CD22: variants seen among roughly 807,000 people sequenced by gnomAD.
CD22 encodes the protein B-cell receptor CD22.
In CD22, 51 loss-of-function variants were observed where a neutral mutation model predicts 94.7. The observed-to-expected ratio is 0.54, with a 90% CI of 0.43 to 0.68. CD22 has a LOEUF of 0.68. CD22 is among the 30% of genes least tolerant of loss of function. The probability of loss-of-function intolerance (pLI) is 0.00; values close to 1 mark genes in which losing one functional copy is unlikely to be tolerated. For synonymous variants in CD22, 424 were observed against 422.5 expected (o/e 1.00, Z -0.04); for missense variants, 931 against 1,060.4 (o/e 0.88, Z 1.69).
chr19:35,345,847 C>T lies in CD22; in HGVS notation c.2327+127C>T, dbSNP rs568999000. 15 of 735,526 alleles carry T rather than the reference C, an allele frequency of 2.0e-5. No homozygotes were observed. The East Asian group carries it at 2.5e-4, about 12-fold the overall frequency. 45.6% of individuals were successfully genotyped at this position (735,526 alleles called of 1,614,324 possible). A position where few individuals can be genotyped will look rare whatever the true frequency, so the allele number is the denominator to read the frequency against. Reference sequence around the variant, plus strand: ...CCTGATACATGCTCTGCCTCATTCCCACTCGGCAACAAGCCTCTGGGTAAG... The same window carrying T: ...CCTGATACATGCTCTGCCTCATTCCTACTCGGCAACAAGCCTCTGGGTAAG... On this transcript the variant is annotated intron_variant, in intron 12 of 13. Coordinates refer to ENST00000085219, the MANE Select transcript of CD22 (RefSeq NM_001771.4).
At position 35,341,047 on chromosome 19, in the gene CD22, C is replaced by G; in HGVS notation, c.1416C>G (p.Ile472Met). The G allele has an allele frequency of 6.2e-7, 1 of 1,614,186 alleles. No individual in the cohort carries two copies. Among genetic ancestry groups the G allele is most frequent in the South Asian group, 1.1e-5 (1 of 91,084 alleles). Residue 472 changes from isoleucine (I) to methionine (M), a missense_variant, in exon 7 of 14, where the codon ATC becomes ATG. Transcript: ENST00000085219. This position sits in a 1 kb window ranked among gnomAD's most constrained non-coding sequence, Gnocchi z 4.0. Reference protein sequence around the residue: ...WEEPSLGVLKIQNVGWDNTTI... With the variant: ...WEEPSLGVLKMQNVGWDNTTI... ...AGCCATCGCTTGGGGTGCTGAAGATCCAAAACGTTGGCTGGGACAACACAA... is the reference window on the plus strand; with the variant it reads ...AGCCATCGCTTGGGGTGCTGAAGATGCAAAACGTTGGCTGGGACAACACAA...
chr19:35,337,672 T>G lies in CD22; in HGVS notation c.719-83T>G. On this transcript the variant is annotated intron_variant, in intron 4 of 13. Transcript: ENST00000085219. The surrounding 1 kb of genome is among the most constrained non-coding windows in gnomAD (Gnocchi z 4.4). ...GTGAAGGGACTGGCAGGCCATGGCT[T>G]TGTCAGAATAAAAGCACTTTCCACA... is the stretch of plus-strand genomic sequence containing the variant. 8.0e-7 allele frequency: 1 copy of G among 1,252,122 alleles called. No individual in the cohort carries two copies. The highest frequency in any genetic ancestry group is 1.1e-6 in the Non-Finnish European group (1 of 903,016). The allele number at this position is 1,252,122 out of a possible 1,614,324, so 77.6% of individuals were successfully genotyped here. A position where few individuals can be genotyped will look rare whatever the true frequency, so the allele number is the denominator to read the frequency against.
intron 9 of CD22, among the ~76,000 whole-genome samples, chr19:35,344,235 C>T (rs552327760): frequency 3.2e-4 from 49 of 152,344 alleles, no homozygotes; most frequent in African/African-American, 2.6e-4. Context: ...ATCACCAGCA[C>T]GGCCGAAGGC....
intron 9 of CD22, among the ~76,000 whole-genome samples, chr19:35,342,812 G>A (rs867578940): frequency 1.3e-5 from 2 of 151,608 alleles, no homozygotes; most frequent in Non-Finnish European, 2.9e-5. Context: ...CTTTTAAAAC[G>A]TAAATGATTT....
rs374483999 is a variant in CD22 at position 35,343,754 on chromosome 19, T to TA, written c.2036-1070dup. ...CTACAAAAAATACCAAAAAAAATTT[T>TA]AAAAACGAACAAACAAAACAATAAC... On this transcript the variant is annotated intron_variant, in intron 9 of 13. Coordinates refer to ENST00000085219, the MANE Select transcript of CD22 (RefSeq NM_001771.4). 1.7e-4 allele frequency among the ~76,000 whole-genome samples: 26 copies of TA among 152,188 alleles called. 1 individual carries two copies. Among genetic ancestry groups the TA allele is most frequent in the African/African-American group, 6.3e-4 (26 of 41,534 alleles).
chr19:35,334,070 A>G (rs147966640), intron 3 of CD22, among the ~76,000 whole-genome samples: 28 of 152,328 alleles, frequency 1.8e-4, no homozygotes, highest in African/African-American at 4.8e-4. Context: ...AGCCAAAGCA[A>G]GGGGACAGAA....
At chr19:35,339,794 T>C (rs994984276) in intron 6 of CD22, among the ~76,000 whole-genome samples, 13 of 151,934 alleles carry the variant, frequency 8.6e-5, no homozygotes, top group African/African-American at 3.1e-4. Flanking sequence ...AGGCAGAGGT[T>C]GCAATGAGCT....
At position 35,332,635 on chromosome 19, in the gene CD22, G is replaced by T; in HGVS notation, c.123G>T (p.Trp41Cys). 1 of 1,614,056 alleles carries T rather than the reference G, an allele frequency of 6.2e-7. No individual in the cohort carries two copies. The part of the protein sequence containing the change: ...TLYAWEGACV[W>C]IPCTYRALDG... ...ACGCCTGGGAGGGGGCCTGCGTCTG[G>T]ATCCCCTGCACCTACAGAGCCCTAG... Residue 41 changes from tryptophan (W) to cysteine (C), a missense_variant, in exon 3 of 14, where the codon TGG (tryptophan) becomes TGT (cysteine). Physicochemically the swap from Trp to Cys is radical, Grantham distance 215 (BLOSUM62 -2). Transcript: ENST00000085219.
chr19:35,346,608 G>A lies in CD22; in HGVS notation c.2455G>A (p.Gly819Arg), dbSNP rs760249582. Reference sequence around the variant, plus strand: ...CATTCCAGATTTTCCAGAAGATGAGGGGATTCATTACTCAGAGCTGATCCA... The same window carrying A: ...CATTCCAGATTTTCCAGAAGATGAGAGGATTCATTACTCAGAGCTGATCCA... Reference protein sequence around the residue: ...NVIPDFPEDEGIHYSELIQFG... With the variant: ...NVIPDFPEDERIHYSELIQFG... The change falls in exon 14 of 14, where the codon GGG becomes AGG. Residue 819 changes from glycine (G) to arginine (R), a missense_variant. Coordinates refer to ENST00000085219, the MANE Select transcript of CD22 (RefSeq NM_001771.4). 25 of 1,606,070 alleles carry A rather than the reference G, an allele frequency of 1.6e-5. No individual in the cohort carries two copies. In the African/African-American group the frequency reaches 2.9e-4, roughly 19 times the overall value.
At chr19:35,329,266 AG>A (rs2066613924) in intron 1 of CD22, 36 bp downstream of exon 1, 2 of 1,271,800 alleles carry the variant, frequency 1.6e-6, no homozygotes, top group Admixed American at 4.6e-5. Context: ...GCATTCAACA[AG>A]CAAGTTATTA....
chr19:35,337,693 C>A lies in CD22; in HGVS notation c.719-62C>A. 6.9e-7 allele frequency: 1 copy of A among 1,452,488 alleles called. No homozygotes were observed. Among genetic ancestry groups the A allele is most frequent in the Non-Finnish European group, 9.4e-7 (1 of 1,065,034 alleles). 90.0% of individuals were successfully genotyped at this position (1,452,488 alleles called of 1,614,324 possible). On this transcript the variant is annotated intron_variant, in intron 4 of 13. Transcript: ENST00000085219. This position sits in a 1 kb window ranked among gnomAD's most constrained non-coding sequence, Gnocchi z 4.4. The stretch of plus-strand genomic sequence containing the variant: ...GGCTTTGTCAGAATAAAAGCACTTT[C>A]CACACCCTCCACCCTCTGAGGATTC...
In CD22 at chr19:35,338,155, C is replaced by T. The variant is rs371310473; in HGVS notation, c.986-13C>T. 6.1e-5 allele frequency: 98 copies of T among 1,602,086 alleles called. No homozygotes were observed. In the African/African-American group the frequency reaches 7.3e-4, roughly 12 times the overall value. Reference sequence around the variant, plus strand: ...CTCCTCACCCCTCCACTCGCCTCTGCCCCCTCTTCCAGATGCCCCGGAACC... The same window carrying T: ...CTCCTCACCCCTCCACTCGCCTCTGTCCCCTCTTCCAGATGCCCCGGAACC... On this transcript the variant is annotated splice_polypyrimidine_tract_variant and intron_variant, in intron 5 of 13. Transcript: ENST00000085219.
intron 2 of CD22, 103 bp downstream of exon 2, chr19:35,332,177 G>C (rs1246886124): frequency 1.5e-6 from 2 of 1,303,540 alleles, no homozygotes; most frequent in East Asian, 4.6e-5. Flanking sequence ...AGGGTAGGGT[G>C]GGGGCAGCGG....
rs77336722 is a variant in CD22 at position 35,340,055 on chromosome 19, C to T, written c.1250-826C>T. Among the ~76,000 whole-genome samples the T allele has an allele frequency of 9.9e-3, 1,512 of 152,208 alleles. 27 individuals are homozygous for T. Among genetic ancestry groups the T allele is most frequent in the African/African-American group, 0.034 (1,421 of 41,528 alleles). ...CATGTAGAGCACAGGACAAAAAGAA[C>T]ACATAAGCTCGATCCTTGGACCCTG... On this transcript the variant is annotated intron_variant, in intron 6 of 13. Transcript: ENST00000085219.
At chr19:35,336,885 G>A (rs2066732744) in intron 4 of CD22, among the ~76,000 whole-genome samples, 1 of 152,226 alleles carries the variant, frequency 6.6e-6, no homozygotes, top group Admixed American at 6.5e-5. Context: ...GTAGTGATAT[G>A]TGTGTTAGGA....
chr19:35,340,818 A>G, intron 6 of CD22, 63 bp from the exon 7 acceptor site: 2 of 1,589,614 alleles, frequency 1.3e-6, no homozygotes, highest in Non-Finnish European at 1.7e-6. Context: ...AAGAGGAAGC[A>G]GGAGGGAAGG....
At chr19:35,345,224 C>A in intron 11 of CD22, 98 bp downstream of exon 11, 3 of 1,001,876 alleles carry the variant, frequency 3.0e-6, no homozygotes, top group South Asian at 1.3e-5. Flanking sequence ...TCGAGACCAG[C>A]GTAGCCAACA....
chr19:35,337,698 C>T lies in CD22; in HGVS notation c.719-57C>T. The T allele has an allele frequency of 6.7e-7, 1 of 1,487,480 alleles. No homozygotes were observed. The highest frequency in any genetic ancestry group is 1.4e-5 in the African/African-American group (1 of 72,680). 92.1% of individuals were successfully genotyped at this position (1,487,480 alleles called of 1,614,324 possible). ...TGTCAGAATAAAAGCACTTTCCACA[C>T]CCTCCACCCTCTGAGGATTCCCCGC... On this transcript the variant is annotated intron_variant, in intron 4 of 13. Transcript: ENST00000085219. This position sits in a 1 kb window ranked among gnomAD's most constrained non-coding sequence, Gnocchi z 4.4.
At position 35,336,107 on chromosome 19, in the gene CD22, T is replaced by C. The variant is rs751456893; in HGVS notation, c.484T>C (p.Leu162=). The C allele has an allele frequency of 6.2e-7, 1 of 1,614,130 alleles. No individual in the cohort carries two copies. The highest frequency in any genetic ancestry group is 2.2e-5 in the East Asian group (1 of 44,878). The part of the protein sequence containing the change: ...QESQEVTLTC[L]LNFSCYGYPI... The stretch of plus-strand genomic sequence containing the variant: ...GTCCCAGGAAGTCACTCTGACCTGC[T>C]TGCTGAATTTCTCCTGCTATGGGTA... The change falls in exon 4 of 14, where the codon TTG becomes CTG. Residue 162 remains leucine (L), a synonymous_variant. Transcript: ENST00000085219.
Sources: gnomAD v4.1 joint callset for allele counts (sites outside exome capture counted in the v4.1 genomes callset) on GRCh38, gnomAD v4.1.1 for gene constraint, Gnocchi (gnomAD v3.1) non-coding constraint, MANE v1.5 for transcripts, NCBI Gene and HGNC (gene_info 2026-07-23, HGNC 2026-07-21) for gene names.